Variants in FGD3 observed in about 807,000 individuals in gnomAD.
FGD3 encodes the protein FYVE, RhoGEF and PH domain-containing protein 3.
Under a neutral mutation model 71.8 loss-of-function variants are expected in FGD3, and 45 were observed. That is an observed-to-expected ratio of 0.63 (90% CI 0.49 to 0.80). The LOEUF (loss-of-function observed/expected upper bound fraction) is 0.80. FGD3 is among the 30% of genes least tolerant of loss of function. The pLI, the probability that FGD3 is intolerant of heterozygous loss-of-function variation, is 0.00. For synonymous variants in FGD3, 378 were observed against 392.8 expected, an observed-to-expected ratio of 0.96 and a Z score of 0.44; for missense variants, 844 against 951.5, an observed-to-expected ratio of 0.89 and a Z score of 1.49.
intron 7 of FGD3, among the ~76,000 whole-genome samples, chr9:93,010,689 GGA>G (rs368799511): frequency 1.2e-3 from 97 of 81,250 alleles, no homozygotes; most frequent in Middle Eastern, 6.9e-3. Context: ...ACAGAGGGGA[GGA>G]GAGAGAGACA....
intron 1 of FGD3, chr9:92,974,770 TGTGA>T (rs1242498873): frequency 7.9e-5 from 12 of 152,540 alleles, no homozygotes; most frequent in Admixed American, 3.3e-4. Flanking sequence ...CGTGTGTGAC[TGTGA>T]GTGTGAGCCA....
chr9:92,999,494 G>A (rs1339980651), intron 3 of FGD3, among the ~76,000 whole-genome samples: 1 of 151,948 alleles, frequency 6.6e-6, no homozygotes, highest in Admixed American at 6.6e-5. Context: ...GATCAACCTG[G>A]TACCTCAATC....
chr9:93,000,171 T>C (rs1860809820), intron 3 of FGD3, among the ~76,000 whole-genome samples: 1 of 152,216 alleles, frequency 6.6e-6, no homozygotes, highest in East Asian at 1.9e-4. Context: ...CATTCTATTT[T>C]AAACTAATAA....
chr9:92,964,787 C>A (rs1213833092), intron 1 of FGD3, among the ~76,000 whole-genome samples: 1 of 152,146 alleles, frequency 6.6e-6, no homozygotes, highest in Admixed American at 6.5e-5. Context: ...GGCATCGAGA[C>A]CACGGCCAGC....
In FGD3 at chr9:93,022,318, C is replaced by G. The variant is rs554877737; in HGVS notation, c.1495-9C>G. On this transcript the variant is annotated splice_polypyrimidine_tract_variant and intron_variant, in intron 13 of 17. Coordinates refer to ENST00000375482, the MANE Select transcript of FGD3 (RefSeq NM_001083536.2). ...ATCTCCTCTCACTCGGCCTCTGTGT[C>G]CCTTCTAGATCACGAGCACCAGCCC... The G allele has an allele frequency of 2.5e-6, 4 of 1,610,288 alleles. No individual in the cohort carries two copies. In the South Asian group the frequency reaches 4.4e-5, roughly 18 times the overall value.
chr9:93,020,459 AG>A, intron 13 of FGD3, 35 bp downstream of exon 13: 2 of 1,577,758 alleles, frequency 1.3e-6, no homozygotes, highest in Non-Finnish European at 1.7e-6. Context: ...AGAGACCTCC[AG>A]GGGACGGGCT....
chr9:92,957,713 C>T (rs1859088057), intron 1 of FGD3, among the ~76,000 whole-genome samples: 1 of 130,980 alleles, frequency 7.6e-6, no homozygotes, highest in Non-Finnish European at 1.5e-5. Context: ...GAGTCTCGCT[C>T]TGTTGCCCAG....
chr9:93,000,263 C>G (rs1860812266), intron 3 of FGD3, among the ~76,000 whole-genome samples: 2 of 152,112 alleles, frequency 1.3e-5, no homozygotes, highest in African/African-American at 4.8e-5. Context: ...ATGAATTCAT[C>G]TTTATTTATT....
intron 14 of FGD3, among the ~76,000 whole-genome samples, chr9:93,022,952 G>C (rs537768922): frequency 6.6e-6 from 1 of 152,132 alleles, no homozygotes; most frequent in African/African-American, 2.4e-5. Context: ...CCACGCGCCC[G>C]CCTGCCAGGG....
At chr9:92,956,712 C>A (rs774437797) in intron 1 of FGD3, among the ~76,000 whole-genome samples, 5 of 152,222 alleles carry the variant, frequency 3.3e-5, no homozygotes, top group Non-Finnish European at 7.3e-5. Context: ...AACTAAGACA[C>A]TGCCTTCCAG....
intron 1 of FGD3, among the ~76,000 whole-genome samples, chr9:92,963,004 A>C (rs1859201101): frequency 6.6e-6 from 1 of 151,570 alleles, no homozygotes; most frequent in Non-Finnish European, 1.5e-5. Flanking sequence ...CACAGCACCC[A>C]TGCGTCCGAG....
chr9:93,018,213 G>A lies in FGD3; in HGVS notation c.1353G>A (p.Thr451=), dbSNP rs142939576. Residue 451 remains threonine (T), a splice_region_variant and synonymous_variant, in exon 11 of 18, where the codon ACG becomes ACA. Coordinates refer to ENST00000375482, the MANE Select transcript of FGD3 (RefSeq NM_001083536.2). The stretch of plus-strand genomic sequence containing the variant: ...GAAAAAGGTCCCTGGAGCTGCAGAC[G>A]CGGTATGGAACGGGCTGTTTCTAGT... ...TGRKRSLELQ[T]RTEEEKKEWI... 347 of 1,613,822 alleles carry A rather than the reference G, an allele frequency of 2.2e-4. 2 individuals carry two copies. The African/African-American group carries it at 3.7e-3, about 17-fold the overall frequency.
At chr9:93,033,667 T>C (rs1483252640) in intron 16 of FGD3, 1 of 152,902 alleles carries the variant, frequency 6.5e-6, no homozygotes, top group African/African-American at 2.4e-5. Flanking sequence ...CATCGCCCTT[T>C]CTCTCCACTC....
intron 17 of FGD3, 149 bp from the exon 18 acceptor site, chr9:93,035,189 G>T: frequency 8.6e-7 from 1 of 1,161,174 alleles, no homozygotes; most frequent in Non-Finnish European, 1.2e-6. Flanking sequence ...AAAAGGCAGT[G>T]CAGGCACAGC....
In FGD3 at chr9:92,947,677, C is replaced by T. The variant is rs1016700308; in HGVS notation, c.-270C>T. On this transcript the variant is annotated 5_prime_UTR_variant, in exon 1 of 18. Coordinates refer to ENST00000375482, the MANE Select transcript of FGD3 (RefSeq NM_001083536.2). ...GTTTGCCTGTGCGGAGCTGGGGGAG[C>T]CTCCGGCTTTCCTGTTTGCTTTGTT... The T allele has an allele frequency of 1.1e-4, 17 of 152,362 alleles. No individual in the cohort carries two copies. The East Asian group carries it at 3.1e-3, about 28-fold the overall frequency. 9.4% of individuals were successfully genotyped at this position (152,362 alleles called of 1,614,324 possible).
At chr9:93,017,987 G>A in intron 10 of FGD3, 149 bp from the exon 11 acceptor site, 1 of 728,128 alleles carries the variant, frequency 1.4e-6, no homozygotes, top group Non-Finnish European at 2.4e-6. Context: ...GCTGACCTAA[G>A]CCTCTGCACC....
At chr9:93,015,663 T>C in intron 9 of FGD3, 74 bp from the exon 10 acceptor site, 1 of 1,016,100 alleles carries the variant, frequency 9.8e-7, no homozygotes. Flanking sequence ...GGATCCCATG[T>C]GAGAAGCTCA....
chr9:92,954,047 G>T (rs763692069), intron 1 of FGD3, among the ~76,000 whole-genome samples: 2 of 152,114 alleles, frequency 1.3e-5, no homozygotes, highest in African/African-American at 2.4e-5. Context: ...AATGTTCTAC[G>T]TAGAAATTTA....
intron 1 of FGD3, among the ~76,000 whole-genome samples, chr9:92,964,978 G>C (rs1859261442): frequency 6.6e-6 from 1 of 152,224 alleles, no homozygotes; most frequent in South Asian, 2.1e-4. Flanking sequence ...TGTAGCATGG[G>C]GCTGTGAGGA....
Sources: gnomAD v4.1 joint callset for allele counts (sites outside exome capture counted in the v4.1 genomes callset) on GRCh38, gnomAD v4.1.1 for gene constraint, MANE v1.5 for transcripts, NCBI Gene and HGNC (gene_info 2026-07-23, HGNC 2026-07-21) for gene names.